CPA6: variants seen among roughly 807,000 people sequenced by gnomAD.
The protein encoded by CPA6 is carboxypeptidase A6.
A neutral mutation model predicts 63.3 loss-of-function variants in CPA6; 58 were observed. That is an observed-to-expected ratio of 0.92 (90% CI 0.74 to 1.14). The LOEUF (loss-of-function observed/expected upper bound fraction) is 1.14. CPA6 is among the 50% of genes most tolerant of loss of function. The pLI is 0.00. For synonymous variants in CPA6, 185 were observed against 179.0 expected (o/e 1.03, Z -0.27); for missense variants, 565 against 526.6 (o/e 1.07, Z -0.71).
intron 8 of CPA6, among the ~76,000 whole-genome samples, chr8:67,473,779 AT>A (rs1330304488): frequency 1.3e-5 from 2 of 151,724 alleles, no homozygotes; most frequent in Admixed American, 6.6e-5. Context: ...TAATTTTTGT[AT>A]TTTTTTGTAG....
chr8:67,552,774 CAAAAAAAAAAAAAAAA>C (rs762395117), intron 2 of CPA6, among the ~76,000 whole-genome samples: 1 of 20,940 alleles, frequency 4.8e-5, no homozygotes, highest in Non-Finnish European at 8.7e-5. Context: ...AAGACTGTCT[CAAAAAAAAAAAAAAAA>C]AAAAAAAAAA....
rs113902603 is a variant in CPA6 at position 67,550,662 on chromosome 8, A to G, written c.193-32615T>C. 3.0e-3 allele frequency among the ~76,000 whole-genome samples: 459 copies of G among 152,324 alleles called. 6 individuals carry two copies. The highest frequency in any genetic ancestry group is 0.01 in the African/African-American group (419 of 41,578). On this transcript the variant is annotated intron_variant, in intron 2 of 10. Transcript: ENST00000297770. ...TAATTTATATTCCGACCAGCTGGGT[A>G]TAAGCATTCCTTTTTCTCCTCAGCC...
Position 67,746,274 on chromosome 8 carries a change from C to G in CPA6, c.-145G>C, listed in dbSNP as rs180803318. 56 of 504,572 alleles carry G rather than the reference C, an allele frequency of 1.1e-4. No individual in the cohort carries two copies. Among genetic ancestry groups the G allele is most frequent in the African/African-American group, 9.9e-4 (52 of 52,268 alleles). 31.3% of individuals were successfully genotyped at this position (504,572 alleles called of 1,614,324 possible). A position where few individuals can be genotyped will look rare whatever the true frequency, so the allele number is the denominator to read the frequency against. On this transcript the variant is annotated 5_prime_UTR_variant, in exon 1 of 11. Transcript: ENST00000297770. ...AGAGTGAGCAAAATGTGACACTTCTCTCCAGCTACAAGGGAAAAAAAAAGT... is the reference window on the plus strand; with the variant it reads ...AGAGTGAGCAAAATGTGACACTTCTGTCCAGCTACAAGGGAAAAAAAAAGT...
intron 2 of CPA6, among the ~76,000 whole-genome samples, chr8:67,596,852 A>T (rs1168283614): frequency 6.6e-6 from 1 of 152,188 alleles, no homozygotes; most frequent in African/African-American, 2.4e-5. Flanking sequence ...ATACAGGCCA[A>T]ATATTTAAAA....
At chr8:67,559,522 C>T (rs1813151507) in intron 2 of CPA6, among the ~76,000 whole-genome samples, 1 of 152,066 alleles carries the variant, frequency 6.6e-6, no homozygotes, top group African/African-American at 2.4e-5. Context: ...TTAGATTTAG[C>T]AATATACAAT....
chr8:67,706,964 A>C (rs747616272), intron 1 of CPA6, among the ~76,000 whole-genome samples: 4 of 152,128 alleles, frequency 2.6e-5, no homozygotes, highest in Non-Finnish European at 5.9e-5. Flanking sequence ...ATTCTGATAT[A>C]ATTTAGTATA....
chr8:67,440,050 C>T (rs938274385), intron 8 of CPA6, among the ~76,000 whole-genome samples: 11 of 152,158 alleles, frequency 7.2e-5, no homozygotes, highest in Middle Eastern at 3.4e-3. Context: ...CTAAGGCTGC[C>T]GTAACACATT....
intron 1 of CPA6, among the ~76,000 whole-genome samples, chr8:67,706,265 G>A (rs1017921970): frequency 2.6e-5 from 4 of 152,182 alleles, no homozygotes; most frequent in African/African-American, 9.7e-5. Context: ...AGTTTGCCAT[G>A]TCCCCAAGCC....
intron 1 of CPA6, among the ~76,000 whole-genome samples, chr8:67,736,115 G>A (rs1817807554): frequency 6.6e-6 from 1 of 152,110 alleles, no homozygotes; most frequent in African/African-American, 2.4e-5. Context: ...AGAGAAAGGA[G>A]AGGCAAACCA....
chr8:67,688,524 T>G (rs1432310697), intron 1 of CPA6, among the ~76,000 whole-genome samples: 1 of 152,180 alleles, frequency 6.6e-6, no homozygotes, highest in Non-Finnish European at 1.5e-5. Flanking sequence ...CCTAGCTGCC[T>G]TACTGTGGAC....
intron 2 of CPA6, among the ~76,000 whole-genome samples, chr8:67,615,854 G>A (rs931538569): frequency 6.6e-6 from 1 of 152,198 alleles, no homozygotes; most frequent in African/African-American, 2.4e-5. Flanking sequence ...AGGTTTCAAA[G>A]ATAAGTGCTG....
chr8:67,424,818 C>G (rs746978986), intron 10 of CPA6, among the ~76,000 whole-genome samples: 1 of 152,184 alleles, frequency 6.6e-6, no homozygotes, highest in Non-Finnish European at 1.5e-5. Context: ...GTTTTCCCCT[C>G]AGATCCCGCT....
rs550576991 is a variant in CPA6 at position 67,456,910 on chromosome 8, G to T, written c.839-22670C>A. Among the ~76,000 whole-genome samples the T allele has an allele frequency of 5.3e-5, 8 of 152,316 alleles. No individual in the cohort carries two copies. In the East Asian group the frequency reaches 1.2e-3, roughly 22 times the overall value. ...CAGATTCAGAGAGACAAGATGGTAC[G>T]CCATAGGCTTTGACTGTGGAGGAAG... On this transcript the variant is annotated intron_variant, in intron 8 of 10. Coordinates refer to ENST00000297770, the MANE Select transcript of CPA6 (RefSeq NM_020361.5).
At chr8:67,550,647 T>C (rs1812918974) in intron 2 of CPA6, among the ~76,000 whole-genome samples, 1 of 152,224 alleles carries the variant, frequency 6.6e-6, no homozygotes, top group Admixed American at 6.5e-5. Flanking sequence ...TAATTTATAT[T>C]CCGACCAGCT....
intron 8 of CPA6, among the ~76,000 whole-genome samples, chr8:67,455,946 C>T (rs1810668985): frequency 6.6e-6 from 1 of 152,044 alleles, no homozygotes. Context: ...ACCTCCTGGC[C>T]TCAGGTGATC....
intron 9 of CPA6, among the ~76,000 whole-genome samples, chr8:67,431,737 A>G (rs1241841206): frequency 1.3e-5 from 2 of 152,202 alleles, no homozygotes; most frequent in Non-Finnish European, 2.9e-5. Context: ...GCAGCTAAAG[A>G]ATAGCAGTAT....
chr8:67,433,644 A>G (rs115214908), intron 9 of CPA6, among the ~76,000 whole-genome samples: 1,697 of 152,356 alleles, frequency 0.011, 23 homozygotes, highest in African/African-American at 0.039. Flanking sequence ...CAAAACTATG[A>G]TACTAATCAA....
intron 8 of CPA6, among the ~76,000 whole-genome samples, chr8:67,455,694 G>GA (rs1810659147): frequency 2.5e-5 from 1 of 40,438 alleles, no homozygotes; most frequent in Admixed American, 2.8e-4. Flanking sequence ...AAAAAAAAAA[G>GA]AAAATGATTG....
Position 67,620,314 on chromosome 8 carries a change from T to C in CPA6, c.192+3862A>G, listed in dbSNP as rs146674433. Among the ~76,000 whole-genome samples the C allele has an allele frequency of 7.2e-5, 11 of 152,318 alleles. 1 individual carries two copies. In the South Asian group the frequency reaches 8.3e-4, roughly 11 times the overall value. Reference sequence around the variant, plus strand: ...GCCCTATGTCATTTCCCTTCTGCCATATAATGTAGCATCATCAAAGGAATG... The same window carrying C: ...GCCCTATGTCATTTCCCTTCTGCCACATAATGTAGCATCATCAAAGGAATG... On this transcript the variant is annotated intron_variant, in intron 2 of 10. Transcript: ENST00000297770.
Sources: allele counts gnomAD v4.1 joint callset (sites outside exome capture counted in the v4.1 genomes callset), GRCh38; gene constraint gnomAD v4.1.1; transcripts MANE v1.5; gene names NCBI Gene and HGNC (gene_info 2026-07-23, HGNC 2026-07-21).